The following ALG9 variants were observed in gnomAD, a reference collection of about 807,000 sequenced individuals.
ALG9 encodes alpha-1,2-mannosyltransferase ALG9.
Under a neutral mutation model 81.8 loss-of-function variants are expected in ALG9, and 55 were observed. The ratio of observed to expected loss-of-function variants is 0.67; its 90% CI spans 0.54 to 0.84. The LOEUF is 0.84. Ranked by LOEUF, ALG9 falls within the 40% of genes least tolerant of loss-of-function variation. The probability of loss-of-function intolerance (pLI) is 0.00; values close to 1 mark genes in which losing one functional copy is unlikely to be tolerated. For synonymous variants in ALG9, 278 were observed against 274.3 expected (o/e 1.01, Z -0.13); for missense variants, 629 against 745.0 (o/e 0.84, Z 1.81).
intron 3 of ALG9, among the ~76,000 whole-genome samples, chr11:111,866,574 G>T (rs1962545150): frequency 6.6e-6 from 1 of 151,980 alleles, no homozygotes; most frequent in Admixed American, 6.6e-5. Context: ...GAGATCAGAA[G>T]TAAGAACAAG....
intron 10 of ALG9, among the ~76,000 whole-genome samples, chr11:111,839,145 CATGA>C (rs1555120834): frequency 6.6e-6 from 1 of 151,966 alleles, no homozygotes; most frequent in Non-Finnish European, 1.5e-5. Flanking sequence ...TAAATTCTAC[CATGA>C]ATTATATCCA....
At chr11:111,852,396 G>A (rs886601134) in intron 8 of ALG9, among the ~76,000 whole-genome samples, 2 of 152,290 alleles carry the variant, frequency 1.3e-5, no homozygotes, top group South Asian at 2.1e-4. Flanking sequence ...CTGGCTGGTG[G>A]AGTGAAAGGC....
intron 4 of ALG9, 102 bp from the exon 5 acceptor site, chr11:111,860,737 G>A (rs1959790470): frequency 1.2e-6 from 1 of 861,984 alleles, no homozygotes; most frequent in South Asian, 1.7e-5. Flanking sequence ...AAGATCTAAA[G>A]TCAAACACAA....
chr11:111,838,664 G>A (rs1303540388), intron 10 of ALG9, among the ~76,000 whole-genome samples: 1 of 152,034 alleles, frequency 6.6e-6, no homozygotes, highest in East Asian at 1.9e-4. Flanking sequence ...GTCCTAATAA[G>A]TTATTTTTTT....
the ALG9 span, among the ~76,000 whole-genome samples, chr11:111,772,873 C>T: frequency 5.3e-5 from 8 of 152,112 alleles, no homozygotes; most frequent in African/African-American, 1.9e-4. Flanking sequence ...TTTTACCTCT[C>T]AGACTTGTGA....
intron 3 of ALG9, among the ~76,000 whole-genome samples, chr11:111,866,492 A>G (rs1050728518): frequency 6.6e-6 from 1 of 151,992 alleles, no homozygotes; most frequent in Admixed American, 6.6e-5. Context: ...ATCCTTCTCT[A>G]CTCAACGTTA....
chr11:111,825,650 T>C (rs1555107589), intron 13 of ALG9, among the ~76,000 whole-genome samples: 1 of 152,256 alleles, frequency 6.6e-6, no homozygotes, highest in East Asian at 1.9e-4. Flanking sequence ...ATGCACATTA[T>C]GGCACTCAGT....
intron 14 of ALG9, among the ~76,000 whole-genome samples, chr11:111,790,187 C>T (rs1480247340): frequency 2.0e-5 from 3 of 152,084 alleles, no homozygotes; most frequent in Non-Finnish European, 2.9e-5. Context: ...CAAAAATTAG[C>T]TGGGCATGGT....
At chr11:111,870,075 G>T (rs746591453) in intron 2 of ALG9, among the ~76,000 whole-genome samples, 157 bp downstream of exon 2, 1 of 151,414 alleles carries the variant, frequency 6.6e-6, no homozygotes, top group Admixed American at 6.6e-5. Flanking sequence ...GCCTCCCAAA[G>T]TGCTGGGATT....
intron 5 of ALG9, 189 bp from the exon 6 acceptor site, chr11:111,857,926 C>T (rs1438163682): frequency 1.8e-5 from 12 of 651,910 alleles, no homozygotes; most frequent in Non-Finnish European, 2.8e-5. Flanking sequence ...AGTTCAATGA[C>T]TCTTATTTTT....
At chr11:111,806,890 T>C (rs1382132652) in intron 14 of ALG9, among the ~76,000 whole-genome samples, 1 of 152,160 alleles carries the variant, frequency 6.6e-6, no homozygotes, top group Non-Finnish European at 1.5e-5. Context: ...CCCATCTCAG[T>C]TAATAGCAAG....
At chr11:111,870,468 A>C in intron 1 of ALG9, 98 bp from the exon 2 acceptor site, 2 of 1,405,460 alleles carry the variant, frequency 1.4e-6, no homozygotes, top group Non-Finnish European at 1.9e-6. Flanking sequence ...AAAAAGGGCA[A>C]GGGACATCAA....
chr11:111,837,253 A>G (rs1208275348), intron 12 of ALG9, among the ~76,000 whole-genome samples: 1 of 152,186 alleles, frequency 6.6e-6, no homozygotes, highest in East Asian at 1.9e-4. Flanking sequence ...TGGGCAGTGC[A>G]GAATGTCTAC....
At chr11:111,863,535 A>C (rs1255768967) in intron 4 of ALG9, among the ~76,000 whole-genome samples, 1 of 152,198 alleles carries the variant, frequency 6.6e-6, no homozygotes, top group Non-Finnish European at 1.5e-5. Flanking sequence ...GTCAAGGCCA[A>C]ACATTTTTTA....
intron 1 of ALG9, among the ~76,000 whole-genome samples, chr11:111,870,602 T>A (rs1964022338): frequency 6.6e-6 from 1 of 152,194 alleles, no homozygotes; most frequent in African/African-American, 2.4e-5. Context: ...TTGCCCAGGC[T>A]GGACTTAAAC....
intron 14 of ALG9, 149 bp from the exon 15 acceptor site, chr11:111,786,669 T>C: frequency 1.0e-6 from 1 of 986,696 alleles, no homozygotes; most frequent in Non-Finnish European, 1.5e-6. Flanking sequence ...CGGTACTAGA[T>C]CACGATAAAA....
At chr11:111,774,069 T>TAAAAAAA in the ALG9 span, among the ~76,000 whole-genome samples, 1 of 69,728 alleles carries the variant, frequency 1.4e-5, no homozygotes, top group African/African-American at 5.9e-5. Flanking sequence ...CATATCTTAT[T>TAAAAAAA]AAAAAAAAAA....
intron 13 of ALG9, among the ~76,000 whole-genome samples, chr11:111,810,717 C>T (rs1285747611): frequency 6.6e-6 from 1 of 152,184 alleles, no homozygotes; most frequent in Non-Finnish European, 1.5e-5. Context: ...GATCATGCCA[C>T]TGCATTCCAG....
In ALG9 at chr11:111,786,530, A is replaced by G; in HGVS notation, c.1734-10T>C. On this transcript the variant is annotated splice_polypyrimidine_tract_variant and intron_variant, in intron 14 of 14. Coordinates refer to ENST00000616540, the MANE Select transcript of ALG9 (RefSeq NM_024740.2). ...CAGCAGCTTTGAAGATCTGAAAAAC[A>G]AGGGATAAAAAAAAGAATTTTATCA... is the stretch of plus-strand genomic sequence containing the variant. 1 of 1,613,766 alleles carries G rather than the reference A, an allele frequency of 6.2e-7. No individual in the cohort carries two copies. Among genetic ancestry groups the G allele is most frequent in the Non-Finnish European group, 8.5e-7 (1 of 1,179,744 alleles).
Sources: allele counts gnomAD v4.1 joint callset (sites outside exome capture counted in the v4.1 genomes callset), GRCh38; gene constraint gnomAD v4.1.1; transcripts MANE v1.5; gene names NCBI Gene and HGNC (gene_info 2026-07-23, HGNC 2026-07-21).